The following DENND1A variants were observed in gnomAD, a reference collection of about 807,000 sequenced individuals.
The protein encoded by DENND1A is DENN domain containing 1A.
A neutral mutation model predicts 113.7 loss-of-function variants in DENND1A; 51 were observed. The ratio of observed to expected loss-of-function variants is 0.45; its 90% CI spans 0.36 to 0.57. The LOEUF (loss-of-function observed/expected upper bound fraction) is 0.57, where lower values mean the gene tolerates loss of function less well. Ranked by LOEUF, DENND1A falls within the 20% of genes least tolerant of loss-of-function variation. The pLI, the probability that DENND1A is intolerant of heterozygous loss-of-function variation, is 0.00. For missense variants in DENND1A, 1,258 were observed against 1,395.9 expected (o/e 0.90, Z 1.57); for synonymous variants, 565 against 570.8 (o/e 0.99, Z 0.14).
At chr9:123,741,637 AT>A (rs936912024) in intron 5 of DENND1A, among the ~76,000 whole-genome samples, 18 of 152,308 alleles carry the variant, frequency 1.2e-4, no homozygotes, top group African/African-American at 4.1e-4. Context: ...TAACTTCCTC[AT>A]TGCTCAGTCT....
intron 9 of DENND1A, among the ~76,000 whole-genome samples, chr9:123,632,970 C>T (rs1436864818): frequency 6.6e-6 from 1 of 152,070 alleles, no homozygotes. Flanking sequence ...TGCAGTGGCA[C>T]GATCTCGGCT....
At chr9:123,443,773 G>A (rs144355896) in intron 18 of DENND1A, among the ~76,000 whole-genome samples, 278 of 152,308 alleles carry the variant, frequency 1.8e-3, no homozygotes, top group African/African-American at 6.5e-3. Context: ...TGAGCAACAT[G>A]GGGAAACCCC....
intron 20 of DENND1A, among the ~76,000 whole-genome samples, chr9:123,409,272 A>AT (rs1463853282): frequency 6.6e-6 from 1 of 151,582 alleles, no homozygotes. Flanking sequence ...CTACTGATTC[A>AT]TTTTTTTCTT....
intron 10 of DENND1A, 91 bp downstream of exon 10, chr9:123,630,285 G>T: frequency 7.5e-6 from 3 of 402,318 alleles, no homozygotes; most frequent in East Asian, 1.2e-4. Flanking sequence ...TTTTAATGTA[G>T]AGTCACCAAC....
intron 1 of DENND1A, among the ~76,000 whole-genome samples, chr9:123,893,038 G>A (rs1332681574): frequency 6.6e-6 from 1 of 151,598 alleles, no homozygotes; most frequent in Non-Finnish European, 1.5e-5. Flanking sequence ...TAAAGAATAA[G>A]AATAAAGAAT....
chr9:123,616,196 C>G (rs141726945), intron 10 of DENND1A, among the ~76,000 whole-genome samples: 1 of 152,296 alleles, frequency 6.6e-6, no homozygotes, highest in African/African-American at 2.4e-5. Context: ...TTCCAAAGTA[C>G]TGGGATTATG....
intron 4 of DENND1A, among the ~76,000 whole-genome samples, chr9:123,760,784 A>C (rs2070970174): frequency 6.6e-6 from 1 of 152,210 alleles, no homozygotes; most frequent in African/African-American, 2.4e-5. Flanking sequence ...CACATAATTA[A>C]AGTGATTGGG....
intron 11 of DENND1A, among the ~76,000 whole-genome samples, chr9:123,599,844 G>C (rs1006620557): frequency 2.6e-5 from 4 of 152,224 alleles, no homozygotes; most frequent in African/African-American, 4.8e-5. Flanking sequence ...AGGTCATTAA[G>C]AGGAAGTTTA....
intron 2 of DENND1A, among the ~76,000 whole-genome samples, chr9:123,814,401 T>A (rs1481534101): frequency 1.3e-5 from 2 of 152,162 alleles, no homozygotes; most frequent in South Asian, 2.1e-4. Context: ...AGCTGCTGTA[T>A]AATTATCTTT....
At chr9:123,748,921 C>A (rs1036797885) in intron 5 of DENND1A, among the ~76,000 whole-genome samples, 2 of 152,140 alleles carry the variant, frequency 1.3e-5, no homozygotes, top group Non-Finnish European at 2.9e-5. Flanking sequence ...TCAAACATAC[C>A]TTGCATCGGA....
intron 4 of DENND1A, among the ~76,000 whole-genome samples, chr9:123,763,211 G>T (rs1052107745): frequency 6.6e-6 from 1 of 152,154 alleles, no homozygotes; most frequent in Non-Finnish European, 1.5e-5. Context: ...TTGGAAGAAG[G>T]TGTAAGTAGG....
At chr9:123,823,992 G>A (rs1054025800) in intron 2 of DENND1A, among the ~76,000 whole-genome samples, 6 of 152,172 alleles carry the variant, frequency 3.9e-5, no homozygotes, top group Non-Finnish European at 5.9e-5. Flanking sequence ...AGGCACTGTG[G>A]TATCGCACAC....
At chr9:123,824,692 T>C (rs1172199363) in intron 2 of DENND1A, among the ~76,000 whole-genome samples, 1 of 152,240 alleles carries the variant, frequency 6.6e-6, no homozygotes, top group African/African-American at 2.4e-5. Flanking sequence ...TCCCAATCTA[T>C]ATCTAAGGTA....
chr9:123,488,177 G>A (rs2051052785), intron 13 of DENND1A, among the ~76,000 whole-genome samples: 1 of 152,192 alleles, frequency 6.6e-6, no homozygotes, highest in Admixed American at 6.5e-5. Context: ...AATGCTTGCT[G>A]GAGTAAACAC....
At chr9:123,546,050 C>T (rs995918129) in intron 13 of DENND1A, among the ~76,000 whole-genome samples, 3 of 152,148 alleles carry the variant, frequency 2.0e-5, no homozygotes, top group African/African-American at 7.2e-5. Flanking sequence ...ATAGTCCTCT[C>T]TTGTGTATTT....
At chr9:123,738,504 C>T (rs2068747282) in intron 5 of DENND1A, among the ~76,000 whole-genome samples, 4 of 141,124 alleles carry the variant, frequency 2.8e-5, no homozygotes, top group African/African-American at 5.4e-5. Flanking sequence ...TGTTTGTTTG[C>T]TTTTCATTTT....
chr9:123,609,569 C>G lies in DENND1A; in HGVS notation c.720-88G>C, dbSNP rs1296242007. On this transcript the variant is annotated intron_variant, in intron 10 of 23. Transcript: ENST00000394215. ...AGATGGTTCACTATTTGGAGAAAAACTGTTTTAATAAACGTATGCATAGTT... is the reference window on the plus strand; with the variant it reads ...AGATGGTTCACTATTTGGAGAAAAAGTGTTTTAATAAACGTATGCATAGTT... 3 of 1,473,794 alleles carry G rather than the reference C, an allele frequency of 2.0e-6. No individual in the cohort carries two copies. In the Admixed American group the frequency reaches 5.9e-5, roughly 29 times the overall value. The allele number at this position is 1,473,794 out of a possible 1,614,324, so 91.3% of individuals were successfully genotyped here.
chr9:123,878,126 C>T (rs1847779296), intron 2 of DENND1A, among the ~76,000 whole-genome samples: 1 of 151,692 alleles, frequency 6.6e-6, no homozygotes, highest in Admixed American at 6.6e-5. Flanking sequence ...TCACTTGAAC[C>T]CGGGAGGCAG....
At chr9:123,390,686 T>C (rs140625325) in intron 21 of DENND1A, among the ~76,000 whole-genome samples, 1 of 152,058 alleles carries the variant, frequency 6.6e-6, no homozygotes, top group South Asian at 2.1e-4. Flanking sequence ...GGTGAAGAGG[T>C]GACCACGTGG....
Sources: gnomAD v4.1 joint callset for allele counts (sites outside exome capture counted in the v4.1 genomes callset) on GRCh38, gnomAD v4.1.1 for gene constraint, MANE v1.5 for transcripts, NCBI Gene and HGNC (gene_info 2026-07-23, HGNC 2026-07-21) for gene names.